The following NTM variants were observed in gnomAD, a reference collection of about 807,000 sequenced individuals.
NTM encodes the protein neurotrimin, also known as IgLON family member 2.
NTM carries 13 observed loss-of-function variants against 42.1 expected under a neutral mutation model. The ratio of observed to expected loss-of-function variants is 0.31; its 90% CI spans 0.20 to 0.49. NTM has a LOEUF of 0.49. Ranked by LOEUF, NTM falls within the 20% of genes least tolerant of loss-of-function variation. NTM has a pLI of 0.99. For missense variants in NTM, 373 were observed against 452.8 expected (o/e 0.82, Z 1.60); for synonymous variants, 187 against 179.2 (o/e 1.04, Z -0.35).
intron 1 of NTM, among the ~76,000 whole-genome samples, chr11:131,709,955 G>T: frequency 6.6e-6 from 1 of 151,908 alleles, no homozygotes; most frequent in Non-Finnish European, 1.5e-5. Context: ...AAGGAAGAGA[G>T]TGTACTGTAA....
chr11:132,263,386 C>A (rs542210190), intron 4 of NTM, among the ~76,000 whole-genome samples: 1 of 152,330 alleles, frequency 6.6e-6, no homozygotes, highest in South Asian at 2.1e-4. Flanking sequence ...TCCAAGAAAT[C>A]AGACAACCTT....
At chr11:131,594,411 T>G (rs2059639405) in intron 1 of NTM, among the ~76,000 whole-genome samples, 1 of 152,106 alleles carries the variant, frequency 6.6e-6, no homozygotes, top group Non-Finnish European at 1.5e-5. Context: ...ACCAATTTTT[T>G]TTAAGACAGG....
intron 1 of NTM, among the ~76,000 whole-genome samples, chr11:131,665,893 A>G (rs998590407): frequency 4.6e-5 from 7 of 152,248 alleles, no homozygotes; most frequent in African/African-American, 1.7e-4. Context: ...TGGGTATGAT[A>G]TATATCTCAT....
At chr11:131,942,627 C>G (rs897188303) in intron 2 of NTM, among the ~76,000 whole-genome samples, 5 of 152,114 alleles carry the variant, frequency 3.3e-5, no homozygotes, top group East Asian at 3.9e-4. Flanking sequence ...AGAAGGGGGG[C>G]CATTTGTCTC....
intron 2 of NTM, among the ~76,000 whole-genome samples, chr11:131,976,151 C>CCTTCCTTT (rs774125472): frequency 7.1e-6 from 1 of 141,178 alleles, no homozygotes; most frequent in South Asian, 2.6e-4. Flanking sequence ...TTCCTTCCTT[C>CCTTCCTTT]CTTCCTTTCT....
At chr11:132,033,127 T>C (rs1443693544) in intron 2 of NTM, among the ~76,000 whole-genome samples, 1 of 152,212 alleles carries the variant, frequency 6.6e-6, no homozygotes, top group Non-Finnish European at 1.5e-5. Context: ...TTGTGCCCAC[T>C]ATACACAGAT....
intron 1 of NTM, among the ~76,000 whole-genome samples, chr11:131,464,048 G>A (rs528736184): frequency 4.6e-5 from 7 of 152,184 alleles, no homozygotes; most frequent in Non-Finnish European, 7.3e-5. Flanking sequence ...CAGTTTCCCC[G>A]TCTCCCACTT....
chr11:132,032,078 C>T (rs935091038), intron 2 of NTM, among the ~76,000 whole-genome samples: 1 of 152,192 alleles, frequency 6.6e-6, no homozygotes, highest in African/African-American at 2.4e-5. Context: ...AGTTCTCACA[C>T]TCTGCACACA....
At chr11:132,124,073 G>A (rs149818592) in intron 2 of NTM, among the ~76,000 whole-genome samples, 1 of 152,304 alleles carries the variant, frequency 6.6e-6, no homozygotes, top group Non-Finnish European at 1.5e-5. Context: ...CAGAGTGGCC[G>A]TGTGGCTCAC....
chr11:132,279,071 A>G (rs2093860349), intron 4 of NTM, among the ~76,000 whole-genome samples: 1 of 152,174 alleles, frequency 6.6e-6, no homozygotes, highest in Non-Finnish European at 1.5e-5. Flanking sequence ...TGCCCCTGAT[A>G]GTCTTCCTGT....
At chr11:132,269,591 A>G (rs1183074607) in intron 4 of NTM, among the ~76,000 whole-genome samples, 1 of 152,238 alleles carries the variant, frequency 6.6e-6, no homozygotes, top group East Asian at 1.9e-4. Context: ...CAGGATTTAT[A>G]TACAAATTGC....
chr11:131,950,178 G>C (rs2060815816), intron 2 of NTM, among the ~76,000 whole-genome samples: 1 of 152,094 alleles, frequency 6.6e-6, no homozygotes, highest in African/African-American at 2.4e-5. Context: ...GGTTGCCCTA[G>C]AGGCCTCCTG....
At chr11:132,096,335 G>A (rs2060983653) in intron 2 of NTM, among the ~76,000 whole-genome samples, 1 of 152,172 alleles carries the variant, frequency 6.6e-6, no homozygotes, top group Non-Finnish European at 1.5e-5. Flanking sequence ...CTCTCTGGGT[G>A]CTAATTTTGC....
At chr11:131,785,519 A>G (rs1591816810) in intron 1 of NTM, among the ~76,000 whole-genome samples, 1 of 152,236 alleles carries the variant, frequency 6.6e-6, no homozygotes, top group East Asian at 1.9e-4. Context: ...CCACTGAAAG[A>G]AAGAGCATGC....
intron 1 of NTM, among the ~76,000 whole-genome samples, chr11:131,689,729 T>C (rs1208760465): frequency 2.0e-5 from 3 of 152,110 alleles, no homozygotes; most frequent in Non-Finnish European, 4.4e-5. Context: ...TCCCCTCCCA[T>C]ACCGCAGGCT....
intron 1 of NTM, among the ~76,000 whole-genome samples, chr11:131,546,133 T>C (rs561755272): frequency 2.0e-5 from 3 of 152,324 alleles, no homozygotes; most frequent in South Asian, 4.1e-4. Flanking sequence ...CTTTTCCTTT[T>C]AGCAAGCAGA....
intron 4 of NTM, among the ~76,000 whole-genome samples, chr11:132,216,846 C>T (rs1188963265): frequency 6.6e-6 from 1 of 152,192 alleles, no homozygotes; most frequent in Non-Finnish European, 1.5e-5. Context: ...GGCATGGAGA[C>T]CTGGAGTGTT....
At chr11:132,194,401 A>G (rs986067962) in intron 3 of NTM, among the ~76,000 whole-genome samples, 3 of 152,168 alleles carry the variant, frequency 2.0e-5, no homozygotes, top group Non-Finnish European at 2.9e-5. Context: ...AAAGGCTCTC[A>G]ATAAAATTCA....
chr11:131,783,266 A>G (rs192584651), intron 1 of NTM, among the ~76,000 whole-genome samples: 15 of 152,318 alleles, frequency 9.8e-5, no homozygotes, highest in African/African-American at 3.1e-4. Flanking sequence ...ATTTTTAAAG[A>G]TATGTATAAG....
Sources: gnomAD v4.1 joint callset for allele counts (sites outside exome capture counted in the v4.1 genomes callset) on GRCh38, gnomAD v4.1.1 for gene constraint, MANE v1.5 for transcripts, NCBI Gene and HGNC (gene_info 2026-07-23, HGNC 2026-07-21) for gene names.